FBXL20: variants seen among roughly 807,000 people sequenced by gnomAD.
The protein encoded by FBXL20 is F-box and leucine rich repeat protein 20, also known as F-box/LRR-repeat protein 20.
Under a neutral mutation model 64.0 loss-of-function variants are expected in FBXL20, and 11 were observed. The ratio of observed to expected loss-of-function variants is 0.17; its 90% CI spans 0.11 to 0.28. FBXL20 has a LOEUF of 0.28. Ranked by LOEUF, FBXL20 falls within the 10% of genes least tolerant of loss-of-function variation. The pLI is 1.00. For missense variants in FBXL20, 303 were observed against 526.2 expected (o/e 0.58, Z 4.15); for synonymous variants, 184 against 189.0 (o/e 0.97, Z 0.22).
chr17:39,313,022 G>A (rs958594086), intron 2 of FBXL20, among the ~76,000 whole-genome samples: 15 of 148,784 alleles, frequency 1.0e-4, no homozygotes, highest in Admixed American at 1.4e-4. Flanking sequence ...GGGTTCAAGC[G>A]ATTCTCCTGC....
At chr17:39,315,816 TGAGA>T (rs1350670159) in intron 2 of FBXL20, among the ~76,000 whole-genome samples, 1 of 61,294 alleles carries the variant, frequency 1.6e-5, no homozygotes, top group Non-Finnish European at 3.5e-5. Context: ...TGAGAGAGAG[TGAGA>T]GAGAGAGACA....
At chr17:39,315,393 T>TTATATTTATA (rs1555607852) in intron 2 of FBXL20, among the ~76,000 whole-genome samples, 1 of 134,552 alleles carries the variant, frequency 7.4e-6, no homozygotes, top group Admixed American at 7.5e-5. Flanking sequence ...TTTAAATAAT[T>TTATATTTATA]TATATATATA....
At chr17:39,349,006 C>T (rs1440210127) in intron 1 of FBXL20, among the ~76,000 whole-genome samples, 1 of 151,920 alleles carries the variant, frequency 6.6e-6, no homozygotes, top group Non-Finnish European at 1.5e-5. Context: ...AATCCCAGCA[C>T]TTTGGGAGGC....
At chr17:39,375,238 A>G (rs1342111890) in intron 1 of FBXL20, among the ~76,000 whole-genome samples, 9 of 151,438 alleles carry the variant, frequency 5.9e-5, no homozygotes, top group Non-Finnish European at 1.2e-4. Flanking sequence ...CTGCAAAACA[A>G]AAACTATGAA....
intron 3 of FBXL20, 21 bp from the exon 4 acceptor site, chr17:39,301,096 C>T (rs2047130182): frequency 6.2e-7 from 1 of 1,602,474 alleles, no homozygotes; most frequent in African/African-American, 1.3e-5. Flanking sequence ...GAAAAAGAGA[C>T]AGAATGAGCA....
intron 1 of FBXL20, among the ~76,000 whole-genome samples, chr17:39,399,166 A>G (rs2048216610): frequency 6.6e-6 from 1 of 151,990 alleles, no homozygotes; most frequent in Non-Finnish European, 1.5e-5. Context: ...ACAATTTGAA[A>G]TTAGCTATTA....
In FBXL20 at chr17:39,283,790, T is replaced by C. The variant is rs138350902; in HGVS notation, c.495-935A>G. On this transcript the variant is annotated intron_variant, in intron 7 of 14. Transcript: ENST00000264658. Reference sequence around the variant, plus strand: ...TTTCATTGTTGATTCCATCTACTCTTAATAGTTTAGCTTCATATTTGTATT... The same window carrying C: ...TTTCATTGTTGATTCCATCTACTCTCAATAGTTTAGCTTCATATTTGTATT... Among the ~76,000 whole-genome samples the C allele has an allele frequency of 1.7e-3, 254 of 152,322 alleles. 5 individuals are homozygous for C. In the East Asian group the frequency reaches 0.043, roughly 26 times the overall value.
At chr17:39,397,260 C>G (rs1039647663) in intron 1 of FBXL20, among the ~76,000 whole-genome samples, 1 of 152,118 alleles carries the variant, frequency 6.6e-6, no homozygotes, top group African/African-American at 2.4e-5. Context: ...ATATTACATG[C>G]TAGGGTTACA....
intron 10 of FBXL20, among the ~76,000 whole-genome samples, chr17:39,274,088 T>C (rs755000146): frequency 6.6e-6 from 1 of 152,094 alleles, no homozygotes; most frequent in Non-Finnish European, 1.5e-5. Flanking sequence ...TTGCCCATGC[T>C]GGTCTCAAAC....
At chr17:39,275,168 AT>A in intron 9 of FBXL20, 68 bp from the exon 10 acceptor site, 1 of 1,478,786 alleles carries the variant, frequency 6.8e-7, no homozygotes, top group South Asian at 1.3e-5. Context: ...GAAAAAAATG[AT>A]AGCTCTGTGA....
At chr17:39,375,375 A>G (rs1424050332) in intron 1 of FBXL20, among the ~76,000 whole-genome samples, 1 of 152,190 alleles carries the variant, frequency 6.6e-6, no homozygotes, top group African/African-American at 2.4e-5. Context: ...GAAACAAACG[A>G]AAAAAATTTC....
At chr17:39,339,556 T>C (rs2047561882) in intron 2 of FBXL20, among the ~76,000 whole-genome samples, 1 of 152,152 alleles carries the variant, frequency 6.6e-6, no homozygotes, top group African/African-American at 2.4e-5. Context: ...GGCATAACAA[T>C]TCAATGTAAC....
intron 7 of FBXL20, among the ~76,000 whole-genome samples, chr17:39,284,350 C>T (rs587343): frequency 0.33 from 49,937 of 152,110 alleles, 9,369 homozygotes; most frequent in African/African-American, 0.51. Flanking sequence ...AAAGGAGCCA[C>T]ATTTTAGATT....
At position 39,265,423 on chromosome 17, in the gene FBXL20, T is replaced by C. The variant is rs749836959; in HGVS notation, c.964A>G (p.Ile322Val). ...AATACTTGAAGTCGAGGACAGTGTA[T>C]AGAAAGTTGGATTAATGTGCTATCT... ...ITDSTLIQLS[I>V]HCPRLQVLSL... Residue 322 changes from isoleucine to valine, a missense_variant, in exon 13 of 15, where the codon ATA becomes GTA. Physicochemically the swap from Ile to Val is conservative, Grantham distance 29. Transcript: ENST00000264658. The C allele has an allele frequency of 2.6e-5, 42 of 1,611,850 alleles. No homozygotes were observed. Among genetic ancestry groups the C allele is most frequent in the Non-Finnish European group, 3.6e-5 (42 of 1,178,108 alleles).
intron 1 of FBXL20, among the ~76,000 whole-genome samples, chr17:39,382,734 G>A (rs959040912): frequency 1.3e-5 from 2 of 151,982 alleles, no homozygotes; most frequent in African/African-American, 4.8e-5. Context: ...CAGCTACTCG[G>A]GAGGCTAAGG....
intron 1 of FBXL20, among the ~76,000 whole-genome samples, chr17:39,359,859 G>GTT (rs1347282305): frequency 2.6e-5 from 4 of 152,068 alleles, no homozygotes; most frequent in African/African-American, 9.7e-5. Flanking sequence ...CAGCCAAAAG[G>GTT]CAGAAGTCAC....
chr17:39,369,256 C>CTTTTTTTT (rs72363930), intron 1 of FBXL20, among the ~76,000 whole-genome samples: 1 of 98,578 alleles, frequency 1.0e-5, no homozygotes, highest in Non-Finnish European at 1.9e-5. Flanking sequence ...GAATTCAATG[C>CTTTTTTTT]TTTTTTTTTT....
intron 9 of FBXL20, among the ~76,000 whole-genome samples, chr17:39,278,548 CTTT>C (rs61642275): frequency 2.3e-5 from 3 of 128,170 alleles, no homozygotes; most frequent in African/African-American, 2.9e-5. Context: ...ACATTCCAGT[CTTT>C]TTTTTTTTTT....
chr17:39,338,030 G>A (rs1284854490), intron 2 of FBXL20, among the ~76,000 whole-genome samples: 1 of 152,196 alleles, frequency 6.6e-6, no homozygotes, highest in Non-Finnish European at 1.5e-5. Context: ...ACCCCGTCTG[G>A]GAGCTGTACC....
Sources: gnomAD v4.1 joint callset for allele counts (sites outside exome capture counted in the v4.1 genomes callset) on GRCh38, gnomAD v4.1.1 for gene constraint, MANE v1.5 for transcripts, NCBI Gene and HGNC (gene_info 2026-07-23, HGNC 2026-07-21) for gene names.